Variants in FARS2 observed in about 807,000 individuals in gnomAD.
FARS2 encodes phenylalanine--tRNA ligase, mitochondrial.
In FARS2, 40 loss-of-function variants were observed where a neutral mutation model predicts 46.4. The observed-to-expected ratio is 0.86, with a 90% CI of 0.67 to 1.12. The LOEUF is 1.12. Among genes scored for constraint, FARS2 ranks in the 50% most tolerant of loss-of-function variants. The probability of loss-of-function intolerance (pLI) is 0.00; values close to 1 mark genes in which losing one functional copy is unlikely to be tolerated. For missense variants in FARS2, 513 were observed against 567.9 expected, an observed-to-expected ratio of 0.90 and a Z score of 0.98; for synonymous variants, 234 against 214.9, an observed-to-expected ratio of 1.09 and a Z score of -0.78.
At chr6:5,513,477 G>A (rs542477871) in intron 4 of FARS2, among the ~76,000 whole-genome samples, 26 of 152,338 alleles carry the variant, frequency 1.7e-4, no homozygotes, top group African/African-American at 5.5e-4. Flanking sequence ...ATATTTAGCC[G>A]AAGGTCTAGA....
At chr6:5,405,483 T>TTTTTTTTTTA in intron 3 of FARS2, among the ~76,000 whole-genome samples, 1 of 106,988 alleles carries the variant, frequency 9.3e-6, no homozygotes, top group Non-Finnish European at 1.8e-5. Flanking sequence ...CAAGGTTCTT[T>TTTTTTTTTTA]TTTTTTTTTT....
chr6:5,659,639 A>G (rs1377731380), intron 6 of FARS2, among the ~76,000 whole-genome samples: 1 of 152,120 alleles, frequency 6.6e-6, no homozygotes, highest in African/African-American at 2.4e-5. Context: ...TTCATCAAAA[A>G]CCACTTAGGA....
rs538401935 is a variant in FARS2, at chr6:5,293,053, A to G, written c.-22+31393A>G. ...AAAAGCACTGACAAGTGGCTACTGG[A>G]TTGAGTAAATAGGAGGGTATTGGTG... is the stretch of plus-strand genomic sequence containing the variant. On this transcript the variant is annotated intron_variant, in intron 1 of 6. Coordinates refer to ENST00000274680, the MANE Select transcript of FARS2 (RefSeq NM_006567.5). Among the ~76,000 whole-genome samples, 48 of 152,316 alleles carry G rather than the reference A, an allele frequency of 3.2e-4. 1 individual carries two copies. The highest frequency in any genetic ancestry group is 2.8e-3 in the Admixed American group (43 of 15,304).
At chr6:5,640,139 G>GGTGTGTGTGTGTGTGT (rs3057207) in intron 6 of FARS2, among the ~76,000 whole-genome samples, 2 of 149,898 alleles carry the variant, frequency 1.3e-5, no homozygotes, top group East Asian at 4.0e-4. Flanking sequence ...ACTTTTGTCA[G>GGTGTGTGTGTGTGTGT]GTGTGTGTGT....
At chr6:5,638,443 T>G (rs1776649189) in intron 6 of FARS2, among the ~76,000 whole-genome samples, 1 of 152,180 alleles carries the variant, frequency 6.6e-6, no homozygotes, top group African/African-American at 2.4e-5. Context: ...CACGTGCCTG[T>G]AGTCCCAGCT....
intron 5 of FARS2, among the ~76,000 whole-genome samples, chr6:5,546,412 A>G (rs1042462879): frequency 2.4e-4 from 36 of 151,072 alleles, no homozygotes; most frequent in African/African-American, 6.1e-4. Context: ...CACTACGCCC[A>G]GCTAATTTTG....
At chr6:5,750,189 G>A (rs1761867527) in intron 6 of FARS2, among the ~76,000 whole-genome samples, 1 of 152,092 alleles carries the variant, frequency 6.6e-6, no homozygotes, top group South Asian at 2.1e-4. Context: ...TAGAAGAGTG[G>A]GGCAGGGAAA....
Position 5,386,174 on chromosome 6 carries a change from C to G in FARS2, c.612+16992C>G, listed in dbSNP as rs533137909. On this transcript the variant is annotated intron_variant, in intron 2 of 6. Coordinates refer to ENST00000274680, the MANE Select transcript of FARS2 (RefSeq NM_006567.5). ...AGAAGGTGTCCCAAAGAATCTCAGA[C>G]AAAACATTATAGTTGTACAGGCAGA... Among the ~76,000 whole-genome samples the G allele has an allele frequency of 2.6e-5, 4 of 152,164 alleles. No individual in the cohort carries two copies. In the East Asian group the frequency reaches 5.8e-4, roughly 22 times the overall value.
chr6:5,314,724 G>T lies in FARS2; in HGVS notation c.-22+53064G>T, dbSNP rs114246906. Among the ~76,000 whole-genome samples the T allele has an allele frequency of 2.2e-3, 335 of 152,248 alleles. 1 individual carries two copies. Among genetic ancestry groups the T allele is most frequent in the African/African-American group, 7.8e-3 (322 of 41,532 alleles). On this transcript the variant is annotated intron_variant, in intron 1 of 6. Transcript: ENST00000274680. ...ACACTTGTGACCCATGCAGGTCCTC[G>T]TCGATATGGGGTTACCACTGGCTCA...
rs1342723091 is a variant in FARS2 at position 5,672,724 on chromosome 6, T to C, written c.1217+59404T>C. 3.9e-5 allele frequency among the ~76,000 whole-genome samples: 6 copies of C among 152,278 alleles called. No homozygotes were observed. In the South Asian group the frequency reaches 1.2e-3, roughly 32 times the overall value. Reference sequence around the variant, plus strand: ...GTAGCTGAGTCACTGCTTGGTGCGATCTAGGGCTAGGCTGCAACTGGACCT... The same window carrying C: ...GTAGCTGAGTCACTGCTTGGTGCGACCTAGGGCTAGGCTGCAACTGGACCT... On this transcript the variant is annotated intron_variant, in intron 6 of 6. Coordinates refer to ENST00000274680, the MANE Select transcript of FARS2 (RefSeq NM_006567.5).
At chr6:5,590,576 T>A (rs1352052965) in intron 5 of FARS2, among the ~76,000 whole-genome samples, 1 of 152,234 alleles carries the variant, frequency 6.6e-6, no homozygotes, top group Non-Finnish European at 1.5e-5. Flanking sequence ...TAGCATCTGT[T>A]GATGTGGATT....
chr6:5,325,567 C>T (rs1386315271), intron 1 of FARS2, among the ~76,000 whole-genome samples: 1 of 152,180 alleles, frequency 6.6e-6, no homozygotes, highest in African/African-American at 2.4e-5. Context: ...TATCGTAGGG[C>T]CCAGTAATCT....
At chr6:5,730,196 C>T (rs930380851) in intron 6 of FARS2, among the ~76,000 whole-genome samples, 1 of 147,160 alleles carries the variant, frequency 6.8e-6, no homozygotes, top group African/African-American at 2.5e-5. Flanking sequence ...AGCTGAGCTG[C>T]CCAATATCCA....
intron 4 of FARS2, among the ~76,000 whole-genome samples, chr6:5,440,262 A>G (rs1304999230): frequency 1.3e-5 from 2 of 152,212 alleles, no homozygotes; most frequent in Admixed American, 1.3e-4. Flanking sequence ...AGTTATATAT[A>G]TATTTTATAA....
chr6:5,375,319 A>G (rs963781767), intron 2 of FARS2, among the ~76,000 whole-genome samples: 6 of 152,202 alleles, frequency 3.9e-5, no homozygotes, highest in South Asian at 4.1e-4. Context: ...TGTAGTATCA[A>G]CTAAAATATT....
chr6:5,602,946 G>A (rs188212035), intron 5 of FARS2, among the ~76,000 whole-genome samples: 29 of 152,216 alleles, frequency 1.9e-4, no homozygotes, highest in Admixed American at 3.9e-4. Flanking sequence ...ATTATTTCAT[G>A]TCATCTTCAC....
chr6:5,564,290 G>C (rs918458980), intron 5 of FARS2, among the ~76,000 whole-genome samples: 1 of 151,898 alleles, frequency 6.6e-6, no homozygotes, highest in Non-Finnish European at 1.5e-5. Flanking sequence ...GAAGTTCCTT[G>C]GTTTTATTTT....
chr6:5,355,982 A>T (rs1031487075), intron 1 of FARS2, among the ~76,000 whole-genome samples: 3 of 152,218 alleles, frequency 2.0e-5, no homozygotes, highest in African/African-American at 7.2e-5. Flanking sequence ...AGATGTGCAC[A>T]ACAGGGGGAA....
intron 3 of FARS2, among the ~76,000 whole-genome samples, chr6:5,423,938 T>TG (rs1402472342): frequency 6.6e-6 from 1 of 152,204 alleles, no homozygotes; most frequent in Non-Finnish European, 1.5e-5. Flanking sequence ...CCCACATGGA[T>TG]GCTTCAGGCC....
Sources: gnomAD v4.1 joint callset for allele counts (sites outside exome capture counted in the v4.1 genomes callset) on GRCh38, gnomAD v4.1.1 for gene constraint, MANE v1.5 for transcripts, NCBI Gene and HGNC (gene_info 2026-07-23, HGNC 2026-07-21) for gene names.